Variants in ZNF25 observed in about 807,000 individuals in gnomAD.
ZNF25 encodes the protein zinc finger protein 25, also known as zinc finger protein 25 (KOX 19).
Under a neutral mutation model 30.9 loss-of-function variants are expected in ZNF25, and 21 were observed. That is an observed-to-expected ratio of 0.68 (90% confidence interval 0.48 to 0.98). ZNF25 has a LOEUF of 0.98. Among genes scored for constraint, ZNF25 ranks in the 50% least tolerant of loss-of-function variants. ZNF25 has a pLI of 0.00. For synonymous variants in ZNF25, 169 were observed against 181.3 expected (o/e 0.93, Z 0.55); for missense variants, 501 against 529.9 (o/e 0.95, Z 0.54).
rs548077122 is a variant in ZNF25, at chr10:37,970,611, CAAACA to C, written c.15+1092_15+1096del. Among the ~76,000 whole-genome samples the C allele has an allele frequency of 1.0e-3, 158 of 152,200 alleles. 1 individual carries two copies. The highest frequency in any genetic ancestry group is 3.4e-3 in the African/African-American group (140 of 41,530). ...ATGTAAAGGATGATTTTTAAATGAG[CAAACA>C]AAACAAAACAAAACAAAATTCAATG... On this transcript the variant is annotated intron_variant, in intron 2 of 5. Transcript: ENST00000302609.
intron 2 of ZNF25, among the ~76,000 whole-genome samples, chr10:37,965,843 C>A (rs1564787738): frequency 6.6e-6 from 1 of 152,060 alleles, no homozygotes; most frequent in Non-Finnish European, 1.5e-5. Context: ...TGTTAATGGT[C>A]ATACAACATG....
At chr10:37,963,477 G>A (rs2063005121) in intron 2 of ZNF25, among the ~76,000 whole-genome samples, 1 of 152,082 alleles carries the variant, frequency 6.6e-6, no homozygotes, top group Admixed American at 6.6e-5. Context: ...GAAAATGTGT[G>A]GCACTTTTTT....
intron 2 of ZNF25, among the ~76,000 whole-genome samples, chr10:37,959,431 C>T (rs984869769): frequency 1.3e-4 from 20 of 152,178 alleles, no homozygotes; most frequent in Admixed American, 9.8e-4. Context: ...GTCTGTATGT[C>T]TCGCTCGTGG....
chr10:37,958,477 A>G (rs1396510001), intron 2 of ZNF25, among the ~76,000 whole-genome samples: 2 of 152,252 alleles, frequency 1.3e-5, no homozygotes, highest in South Asian at 4.1e-4. Flanking sequence ...AAGATTAGTT[A>G]GAAGGTTACA....
At chr10:37,953,625 C>G in intron 5 of ZNF25, 70 bp downstream of exon 5, 1 of 1,422,606 alleles carries the variant, frequency 7.0e-7, no homozygotes, top group Non-Finnish European at 9.9e-7. Context: ...AGTGCCCTCC[C>G]ATTTCTAGTA....
At position 37,952,849 on chromosome 10, in the gene ZNF25, G is replaced by A. The variant is rs1395500081; in HGVS notation, c.649C>T (p.Leu217Phe). 8.7e-6 allele frequency: 14 copies of A among 1,614,160 alleles called. No individual in the cohort carries two copies. Among genetic ancestry groups the A allele is most frequent in the Middle Eastern group, 1.6e-4 (1 of 6,062 alleles). The change falls in exon 6 of 6, where the codon CTC becomes TTC. Residue 217 changes from leucine to phenylalanine, a missense_variant. Transcript: ENST00000302609. ...GTGTGTGTTTTCTGATGTTCTGTGA[G>A]ATGTGGTTTCTGGTAGAAGGATTTT... The part of the protein sequence containing the change: ...CEKSFYQKPH[L>F]TEHQKTHTGE...
intron 1 of ZNF25, among the ~76,000 whole-genome samples, chr10:37,973,603 A>AG: frequency 6.6e-6 from 1 of 151,810 alleles, no homozygotes; most frequent in Non-Finnish European, 1.5e-5. Context: ...TCTCAAAAAA[A>AG]AAAAAAAAAG....
chr10:37,976,441 G>A (rs974527350), intron 1 of ZNF25, 65 bp downstream of exon 1: 1 of 152,276 alleles, frequency 6.6e-6, no homozygotes, highest in African/African-American at 2.4e-5. Flanking sequence ...GGGGCCAGGA[G>A]GCGGCTTCCA....
At chr10:37,971,387 C>T (rs1190842757) in intron 2 of ZNF25, among the ~76,000 whole-genome samples, 1 of 151,780 alleles carries the variant, frequency 6.6e-6, no homozygotes, top group African/African-American at 2.4e-5. Context: ...AAGGCAGTAA[C>T]CTATTTAGCA....
Position 37,950,927 on chromosome 10 carries a change from C to T in ZNF25, c.*1200G>A, listed in dbSNP as rs1277605325. The T allele has an allele frequency of 6.6e-6, 1 of 152,142 alleles. No individual in the cohort carries two copies. Among genetic ancestry groups the T allele is most frequent in the African/African-American group, 2.4e-5 (1 of 41,438 alleles). The allele number at this position is 152,142 out of a possible 1,614,324, so 9.4% of individuals were successfully genotyped here. On this transcript the variant is annotated 3_prime_UTR_variant, in exon 6 of 6. Coordinates refer to ENST00000302609, the MANE Select transcript of ZNF25 (RefSeq NM_145011.4). Reference sequence around the variant, plus strand: ...GCTCTGCTCCCTGCTCACACATCAACAGTAAGATACATAATATTTCTTACA... The same window carrying T: ...GCTCTGCTCCCTGCTCACACATCAATAGTAAGATACATAATATTTCTTACA...
rs1491447029 is a variant in ZNF25 at position 37,950,565 on chromosome 10, CAT to C, written c.*1560_*1561del. The C allele has an allele frequency of 7.4e-6, 1 of 135,766 alleles. No homozygotes were observed. The highest frequency in any genetic ancestry group is 2.4e-4 in the East Asian group (1 of 4,158). The allele number at this position is 135,766 out of a possible 1,614,324, so 8.4% of individuals were successfully genotyped here. On this transcript the variant is annotated 3_prime_UTR_variant, in exon 6 of 6. Coordinates refer to ENST00000302609, the MANE Select transcript of ZNF25 (RefSeq NM_145011.4). ...TGGGGAATGAATGTTGGGTAGCCAA[CAT>C]TTTTTTTTTTTTTGCAGCGTAATTC...
rs990985632 is a variant in ZNF25, at chr10:37,969,740, T to A, written c.15+1968A>T. ...GTACTAAATATTAATACCTTACAAT[T>A]GTATACTTTTAAATGATGAATGTGA... On this transcript the variant is annotated intron_variant, in intron 2 of 5. Coordinates refer to ENST00000302609, the MANE Select transcript of ZNF25 (RefSeq NM_145011.4). 5.9e-5 allele frequency among the ~76,000 whole-genome samples: 9 copies of A among 152,354 alleles called. No homozygotes were observed. In the Middle Eastern group the frequency reaches 0.01, roughly 173 times the overall value.
At chr10:37,958,111 A>G (rs1000270229) in intron 2 of ZNF25, among the ~76,000 whole-genome samples, 3 of 152,220 alleles carry the variant, frequency 2.0e-5, no homozygotes, top group Admixed American at 2.0e-4. Context: ...TAAGTGACAC[A>G]TGACTCTATT....
intron 2 of ZNF25, among the ~76,000 whole-genome samples, chr10:37,967,730 G>A (rs1024478483): frequency 1.3e-5 from 2 of 152,112 alleles, no homozygotes; most frequent in African/African-American, 4.8e-5. Context: ...CAACGAGGCT[G>A]TCAAGACCAT....
At chr10:37,955,502 G>GTTCT (rs974208456) in intron 4 of ZNF25, among the ~76,000 whole-genome samples, 11 of 152,044 alleles carry the variant, frequency 7.2e-5, no homozygotes, top group African/African-American at 2.7e-4. Context: ...CTTACAAGAA[G>GTTCT]GTAAAAATAT....
At chr10:37,970,760 C>T (rs1346100131) in intron 2 of ZNF25, among the ~76,000 whole-genome samples, 4 of 152,176 alleles carry the variant, frequency 2.6e-5, no homozygotes, top group Admixed American at 6.5e-5. Context: ...CATACTGTTT[C>T]TGGAACATGA....
Position 37,957,501 on chromosome 10 carries a change from C to A in ZNF25, c.61G>T (p.Glu21Ter), listed in dbSNP as rs144834279. The A allele has an allele frequency of 6.2e-7, 1 of 1,613,800 alleles. No homozygotes were observed. The highest frequency in any genetic ancestry group is 8.5e-7 in the Non-Finnish European group (1 of 1,179,910). The part of the protein sequence containing the change: ...KDVIVEFTKE[E>*]WKLLTPAQRT... ...TGAGCAGGGGTCAGTAACTTCCATT[C>A]TTCCTTGGTGAATTCCACAATAACA... The change falls in exon 3 of 6, where the codon GAA (glutamate) becomes TAA (stop). Residue 21 changes from glutamate to a stop codon, truncating the protein, a stop_gained. Coordinates refer to ENST00000302609, the MANE Select transcript of ZNF25 (RefSeq NM_145011.4). LOFTEE classifies it high-confidence loss of function.
chr10:37,962,151 G>T (rs2472146), intron 2 of ZNF25, among the ~76,000 whole-genome samples: 1 of 150,700 alleles, frequency 6.6e-6, no homozygotes. Flanking sequence ...CTGAGGCAGA[G>T]AATTGCTTGA....
At chr10:37,970,777 G>A (rs1005644519) in intron 2 of ZNF25, among the ~76,000 whole-genome samples, 4 of 152,072 alleles carry the variant, frequency 2.6e-5, no homozygotes, top group African/African-American at 4.8e-5. Context: ...ATGATTTGGG[G>A]TGTCTGTATT....
Sources: gnomAD v4.1 joint callset for allele counts (sites outside exome capture counted in the v4.1 genomes callset) on GRCh38, gnomAD v4.1.1 for gene constraint, MANE v1.5 for transcripts, NCBI Gene and HGNC (gene_info 2026-07-23, HGNC 2026-07-21) for gene names.